Variants in RNF180 observed in about 807,000 individuals in gnomAD.
The protein encoded by RNF180 is E3 ubiquitin-protein ligase RNF180.
A neutral mutation model predicts 59.2 loss-of-function variants in RNF180; 38 were observed. The observed-to-expected ratio is 0.64, with a 90% CI of 0.50 to 0.84. RNF180 has a LOEUF of 0.84. RNF180 is among the 40% of genes least tolerant of loss of function. The pLI, the probability that RNF180 is intolerant of heterozygous loss-of-function variation, is 0.00. For missense variants in RNF180, 705 were observed against 700.9 expected (o/e 1.01, Z -0.07); for synonymous variants, 262 against 240.3 (o/e 1.09, Z -0.84).
chr5:64,255,170 ATATTT>A (rs1278843913), intron 5 of RNF180, among the ~76,000 whole-genome samples: 3 of 152,088 alleles, frequency 2.0e-5, no homozygotes, highest in African/African-American at 7.2e-5. Flanking sequence ...AATTCTTGGT[ATATTT>A]TATTTATCCA....
intron 5 of RNF180, among the ~76,000 whole-genome samples, chr5:64,285,661 C>A (rs925990215): frequency 6.6e-6 from 1 of 152,156 alleles, no homozygotes; most frequent in African/African-American, 2.4e-5. Flanking sequence ...CAGGCAGACG[C>A]AGCTAGGCTG....
At chr5:64,364,468 A>G (rs72752867) in intron 7 of RNF180, among the ~76,000 whole-genome samples, 11,468 of 151,690 alleles carry the variant, frequency 0.076, 625 homozygotes, top group South Asian at 0.16. Context: ...GATAAATTCA[A>G]TTTGCCAGTA....
At chr5:64,363,763 G>C (rs958954224) in intron 7 of RNF180, among the ~76,000 whole-genome samples, 16 of 151,696 alleles carry the variant, frequency 1.1e-4, no homozygotes, top group Admixed American at 2.6e-4. Context: ...TGATTTCTTT[G>C]AGCAGTGGTT....
chr5:64,342,051 C>G (rs1241532728), intron 7 of RNF180, among the ~76,000 whole-genome samples: 1 of 152,022 alleles, frequency 6.6e-6, no homozygotes, highest in Non-Finnish European at 1.5e-5. Context: ...GAGAAAACAA[C>G]CACAGAACCC....
At chr5:64,276,391 G>GTGTT (rs774828184) in intron 5 of RNF180, among the ~76,000 whole-genome samples, 7 of 150,522 alleles carry the variant, frequency 4.7e-5, no homozygotes, top group Admixed American at 1.3e-4. Context: ...GTGTGTGTGT[G>GTGTT]TTTATTTATT....
At chr5:64,198,303 TC>T (rs1157704205) in intron 1 of RNF180, among the ~76,000 whole-genome samples, 1 of 152,094 alleles carries the variant, frequency 6.6e-6, no homozygotes, top group Admixed American at 6.5e-5. Flanking sequence ...ATAGAATAGC[TC>T]AGATCTATGA....
chr5:64,282,881 A>G (rs1742082144), intron 5 of RNF180, among the ~76,000 whole-genome samples: 1 of 152,064 alleles, frequency 6.6e-6, no homozygotes. Flanking sequence ...GGTTGTTATG[A>G]TTTCAGTTTC....
chr5:64,195,841 G>A (rs1283829557), intron 1 of RNF180, among the ~76,000 whole-genome samples: 2 of 152,162 alleles, frequency 1.3e-5, no homozygotes, highest in South Asian at 2.1e-4. Flanking sequence ...GCCCTGGACA[G>A]GGCACCATTC....
At chr5:64,237,197 C>T (rs1742495351) in intron 5 of RNF180, among the ~76,000 whole-genome samples, 1 of 152,164 alleles carries the variant, frequency 6.6e-6, no homozygotes, top group African/African-American at 2.4e-5. Context: ...AGGGGCTGTA[C>T]CCATTAGATC....
At chr5:64,313,915 G>A (rs1431434678) in intron 5 of RNF180, among the ~76,000 whole-genome samples, 2 of 152,092 alleles carry the variant, frequency 1.3e-5, no homozygotes, top group Non-Finnish European at 1.5e-5. Flanking sequence ...GTGATGTTGA[G>A]CATTTTTTCA....
intron 5 of RNF180, among the ~76,000 whole-genome samples, chr5:64,281,721 C>G (rs1264934256): frequency 6.6e-6 from 1 of 152,160 alleles, no homozygotes; most frequent in Non-Finnish European, 1.5e-5. Flanking sequence ...TGGTCTCGAA[C>G]TCCTGACCTT....
rs73097058 is a variant in RNF180, at chr5:64,225,121, C to T, written c.1227+7725C>T. Among the ~76,000 whole-genome samples the T allele has an allele frequency of 4.9e-3, 754 of 152,358 alleles. 10 individuals are homozygous for T. Among genetic ancestry groups the T allele is most frequent in the African/African-American group, 0.017 (706 of 41,572 alleles). ...TGTTAGGGGAAAAAATCAGAATCAT[C>T]AGCTAGTCTCAGAGTAGTAACACAC... On this transcript the variant is annotated intron_variant, in intron 5 of 7. Transcript: ENST00000389100.
intron 1 of RNF180, among the ~76,000 whole-genome samples, chr5:64,169,701 A>G (rs1749835881): frequency 6.6e-6 from 1 of 152,224 alleles, no homozygotes; most frequent in Non-Finnish European, 1.5e-5. Flanking sequence ...ATCCATGTGC[A>G]ACAATAAGTG....
intron 7 of RNF180, among the ~76,000 whole-genome samples, chr5:64,347,014 AAC>A (rs1745585084): frequency 6.6e-6 from 1 of 152,240 alleles, no homozygotes; most frequent in African/African-American, 2.4e-5. Flanking sequence ...AAAAGAGACG[AAC>A]AGTGTTTGCC....
At chr5:64,166,537 G>T (rs1749650872) in intron 1 of RNF180, among the ~76,000 whole-genome samples, 1 of 152,212 alleles carries the variant, frequency 6.6e-6, no homozygotes, top group Non-Finnish European at 1.5e-5. Flanking sequence ...CCATCGGGCG[G>T]AGGTGGGGAG....
At chr5:64,330,545 G>C (rs962995148) in intron 7 of RNF180, 139 bp downstream of exon 7, 1 of 824,320 alleles carries the variant, frequency 1.2e-6, no homozygotes, top group Non-Finnish European at 1.9e-6. Context: ...ATTTTGCTAA[G>C]TATCTCCTTG....
intron 5 of RNF180, among the ~76,000 whole-genome samples, chr5:64,235,949 C>G (rs1164713121): frequency 6.6e-6 from 1 of 152,176 alleles, no homozygotes; most frequent in Non-Finnish European, 1.5e-5. Context: ...ATTACCCAGT[C>G]CCAGGTAGTA....
chr5:64,331,746 C>G (rs1185115913), intron 7 of RNF180, among the ~76,000 whole-genome samples: 2 of 152,152 alleles, frequency 1.3e-5, no homozygotes, highest in Non-Finnish European at 2.9e-5. Context: ...GGCTGAAACA[C>G]ACCCCCGCCC....
chr5:64,304,135 GA>G (rs200655119), intron 5 of RNF180, among the ~76,000 whole-genome samples: 4 of 146,486 alleles, frequency 2.7e-5, no homozygotes, highest in African/African-American at 7.5e-5. Context: ...CTCCTTCCCA[GA>G]AAAAAAAAGG....
Sources: gnomAD v4.1 joint callset for allele counts (sites outside exome capture counted in the v4.1 genomes callset) on GRCh38, gnomAD v4.1.1 for gene constraint, MANE v1.5 for transcripts, NCBI Gene and HGNC (gene_info 2026-07-23, HGNC 2026-07-21) for gene names.